The following ATXN1 variants were observed in gnomAD, a reference collection of about 807,000 sequenced individuals.
ATXN1 encodes ataxin 1.
In ATXN1, 8 loss-of-function variants were observed where a neutral mutation model predicts 56.4. The ratio of observed to expected loss-of-function variants is 0.14; its 90% confidence interval spans 0.08 to 0.26. ATXN1 has a LOEUF of 0.26. Ranked by LOEUF, ATXN1 falls within the 10% of genes least tolerant of loss-of-function variation. The probability of loss-of-function intolerance (pLI) is 1.00; values close to 1 mark genes in which losing one functional copy is unlikely to be tolerated. For synonymous variants in ATXN1, 514 were observed against 494.6 expected (o/e 1.04, Z -0.52); for missense variants, 987 against 1,106.5 (o/e 0.89, Z 1.53).
intron 6 of ATXN1, chr6:16,433,005 CT>C (rs1759316745): frequency 6.6e-6 from 1 of 152,080 alleles, no homozygotes; most frequent in Non-Finnish European, 1.5e-5. Context: ...CAAAGAAGGT[CT>C]TTTGCTGTGC....
chr6:16,698,398 T>C (rs1037706354), intron 2 of ATXN1, among the ~76,000 whole-genome samples: 4 of 152,206 alleles, frequency 2.6e-5, no homozygotes, highest in African/African-American at 9.7e-5. Context: ...GTTCTAAGCT[T>C]AGACTTAATA....
At chr6:16,333,898 G>A (rs1416018902) in intron 6 of ATXN1, among the ~76,000 whole-genome samples, 2 of 152,276 alleles carry the variant, frequency 1.3e-5, no homozygotes, top group South Asian at 2.1e-4. Flanking sequence ...GTCCAAACCC[G>A]ACATGCTTGG....
chr6:16,371,313 A>ATT (rs59728940), intron 6 of ATXN1, among the ~76,000 whole-genome samples: 67 of 143,998 alleles, frequency 4.7e-4, no homozygotes, highest in South Asian at 2.0e-3. Flanking sequence ...TGTAGTTACA[A>ATT]TTTTTTTTTT....
intron 3 of ATXN1, among the ~76,000 whole-genome samples, chr6:16,612,706 C>T (rs1289390060): frequency 6.6e-6 from 1 of 151,858 alleles, no homozygotes; most frequent in Non-Finnish European, 1.5e-5. Context: ...TCCTGGCCAA[C>T]ATGGCAAAAC....
At chr6:16,587,953 C>T (rs1762657548) in intron 3 of ATXN1, among the ~76,000 whole-genome samples, 2 of 151,584 alleles carry the variant, frequency 1.3e-5, no homozygotes, top group African/African-American at 4.9e-5. Flanking sequence ...AAAGAAAATT[C>T]CTACTCATTT....
intron 6 of ATXN1, among the ~76,000 whole-genome samples, chr6:16,393,035 T>C (rs1758386573): frequency 6.6e-6 from 1 of 152,172 alleles, no homozygotes; most frequent in African/African-American, 2.4e-5. Context: ...GTAAGAACCA[T>C]TTTCTTTTAA....
rs1760022345 is a variant in ATXN1, at chr6:16,299,323, C to G, written c.*7006G>C. On this transcript the variant is annotated 3_prime_UTR_variant, in exon 8 of 8. Coordinates refer to ENST00000436367, the MANE Select transcript of ATXN1 (RefSeq NM_001128164.2). ...AATAAACAGACTCGAGTGTATCCTA[C>G]AAATAGACACACCACGATTAGAAAA... 1 of 152,518 alleles carries G rather than the reference C, an allele frequency of 6.6e-6. No homozygotes were observed. The highest frequency in any genetic ancestry group is 2.1e-4 in the South Asian group (1 of 4,824). The allele number at this position is 152,518 out of a possible 1,614,324, so 9.4% of individuals were successfully genotyped here.
intron 6 of ATXN1, among the ~76,000 whole-genome samples, chr6:16,424,776 A>C (rs2237203): frequency 0.28 from 41,991 of 152,140 alleles, 5,800 homozygotes; most frequent in African/African-American, 0.31. Flanking sequence ...TGCAAAGGAA[A>C]TGTGGGTGCT....
chr6:16,476,613 C>T (rs1465985131), intron 6 of ATXN1, among the ~76,000 whole-genome samples: 1 of 151,972 alleles, frequency 6.6e-6, no homozygotes, highest in African/African-American at 2.4e-5. Flanking sequence ...TATACAATGT[C>T]TTCTATCATT....
At chr6:16,315,896 G>A (rs1760496826) in intron 7 of ATXN1, among the ~76,000 whole-genome samples, 1 of 152,130 alleles carries the variant, frequency 6.6e-6, no homozygotes, top group Non-Finnish European at 1.5e-5. Flanking sequence ...TGGCCTGGCT[G>A]GTTTCAAAAC....
chr6:16,325,706 A>G (rs1205633918), intron 7 of ATXN1, among the ~76,000 whole-genome samples: 1 of 152,120 alleles, frequency 6.6e-6, no homozygotes, highest in African/African-American at 2.4e-5. Flanking sequence ...TATCTCGTCA[A>G]AGAGAGTTGT....
At chr6:16,404,520 T>C (rs1007538597) in intron 6 of ATXN1, among the ~76,000 whole-genome samples, 2 of 152,152 alleles carry the variant, frequency 1.3e-5, no homozygotes, top group African/African-American at 2.4e-5. Flanking sequence ...ACTCAAGAGA[T>C]GCTGAGTGAG....
rs56128107 is a variant in ATXN1, at chr6:16,744,645, C to T, written c.-615+8588G>A. 3.2e-3 allele frequency among the ~76,000 whole-genome samples: 486 copies of T among 152,140 alleles called. 3 individuals are homozygous for T. Among genetic ancestry groups the T allele is most frequent in the African/African-American group, 0.011 (466 of 41,502 alleles). ...GGCAGGTGGGAGAAGGGGAAAGGGG[C>T]CCTTGGAAATAGAAAGACTGGGACT... On this transcript the variant is annotated intron_variant, in intron 2 of 7. Transcript: ENST00000436367.
At chr6:16,710,864 A>T (rs573208323) in intron 2 of ATXN1, among the ~76,000 whole-genome samples, 1 of 152,230 alleles carries the variant, frequency 6.6e-6, no homozygotes, top group African/African-American at 2.4e-5. Flanking sequence ...CTGGGATTAC[A>T]GGCATGAGCC....
At chr6:16,415,567 C>T (rs1196835352) in intron 6 of ATXN1, among the ~76,000 whole-genome samples, 1 of 152,190 alleles carries the variant, frequency 6.6e-6, no homozygotes, top group Non-Finnish European at 1.5e-5. Context: ...TCCTTGTTTA[C>T]CCGAAGCAGC....
intron 3 of ATXN1, among the ~76,000 whole-genome samples, chr6:16,595,948 G>A (rs1429968644): frequency 6.6e-6 from 1 of 152,192 alleles, no homozygotes; most frequent in African/African-American, 2.4e-5. Context: ...GTGTTAAACA[G>A]GAGCGAGAGA....
At chr6:16,478,861 C>G (rs138899972) in intron 6 of ATXN1, among the ~76,000 whole-genome samples, 7 of 152,096 alleles carry the variant, frequency 4.6e-5, no homozygotes, top group Admixed American at 2.6e-4. Flanking sequence ...CAAAGGAAGG[C>G]TGGTGAGGAT....
At chr6:16,544,072 A>G (rs183704974) in intron 4 of ATXN1, among the ~76,000 whole-genome samples, 5 of 152,360 alleles carry the variant, frequency 3.3e-5, no homozygotes, top group Admixed American at 6.5e-5. Flanking sequence ...TGAGCAAGTC[A>G]TAGCTCTCCT....
In ATXN1 at chr6:16,301,292, T is replaced by TA; in HGVS notation, c.*5036dup. On this transcript the variant is annotated 3_prime_UTR_variant, in exon 8 of 8. Coordinates refer to ENST00000436367, the MANE Select transcript of ATXN1 (RefSeq NM_001128164.2). ...CATTTAAAAAAAAATTCCCACAAGG[T>TA]ATAGTGCTACAAGAAAAGATCCTAT... The TA allele has an allele frequency of 6.6e-6, 1 of 152,552 alleles. No homozygotes were observed. Among genetic ancestry groups the TA allele is most frequent in the East Asian group, 1.9e-4 (1 of 5,184 alleles). The allele number at this position is 152,552 out of a possible 1,614,324, so 9.4% of individuals were successfully genotyped here. A position where few individuals can be genotyped will look rare whatever the true frequency, so the allele number is the denominator to read the frequency against.
Sources: gnomAD v4.1 joint callset for allele counts (sites outside exome capture counted in the v4.1 genomes callset) on GRCh38, gnomAD v4.1.1 for gene constraint, MANE v1.5 for transcripts, NCBI Gene and HGNC (gene_info 2026-07-23, HGNC 2026-07-21) for gene names.